The following INPP5D variants were observed in gnomAD, a reference collection of about 807,000 sequenced individuals.
INPP5D encodes the protein inositol polyphosphate-5-phosphatase D, also known as phosphatidylinositol 3,4,5-trisphosphate 5-phosphatase 1.
A neutral mutation model predicts 122.9 loss-of-function variants in INPP5D; 33 were observed. The observed-to-expected ratio is 0.27, with a 90% CI of 0.20 to 0.36. The LOEUF (loss-of-function observed/expected upper bound fraction) is 0.36. Among genes scored for constraint, INPP5D ranks in the 10% least tolerant of loss-of-function variants. The pLI, the probability that INPP5D is intolerant of heterozygous loss-of-function variation, is 1.00. For missense variants in INPP5D, 1,053 were observed against 1,412.7 expected (o/e 0.75, Z 4.08); for synonymous variants, 584 against 576.2 (o/e 1.01, Z -0.19).
intron 13 of INPP5D, among the ~76,000 whole-genome samples, chr2:233,166,085 G>A (rs1358234703): frequency 6.6e-6 from 1 of 152,036 alleles, no homozygotes; most frequent in Non-Finnish European, 1.5e-5. Flanking sequence ...ACCCCCACTC[G>A]TCCCCCTTCC....
At position 233,198,103 on chromosome 2, in the gene INPP5D, C is replaced by G. The variant is rs201211611; in HGVS notation, c.2702C>G (p.Pro901Arg). 7.5e-6 allele frequency: 12 copies of G among 1,601,364 alleles called. No individual in the cohort carries two copies. The Middle Eastern group carries it at 1.0e-3, about 134-fold the overall frequency. The change falls in exon 25 of 27, where the codon CCG becomes CGG. Residue 901 changes from proline (P) to arginine (R), a missense_variant. Pro to Arg is a moderately radical substitution (Grantham distance 103, BLOSUM62 -2). Around this residue, in one of 6 missense-constraint regions of INPP5D, gnomAD observed 417 missense variants for 425.8 expected, o/e 0.98. Coordinates refer to ENST00000445964, the MANE Select transcript of INPP5D (RefSeq NM_001017915.3). The stretch of plus-strand genomic sequence containing the variant: ...CCATGTCCTCCCTGCAGGGCCCCTC[C>G]GTGCAGTGGCTCCAGCATCACTGAA... Reference protein sequence around the residue: ...KQWEVTSRAPPCSGSSITEII... With the variant: ...KQWEVTSRAPRCSGSSITEII...
intron 18 of INPP5D, among the ~76,000 whole-genome samples, chr2:233,180,534 G>GT (rs566287376): frequency 8.6e-4 from 130 of 151,652 alleles, no homozygotes; most frequent in South Asian, 1.5e-3. Flanking sequence ...CCAGTTTTTT[G>GT]TTTTTTTTGT....
chr2:233,139,466 C>CTGTGTGTGTG lies in INPP5D; in HGVS notation c.666-346_666-337dup, dbSNP rs1191977468. On this transcript the variant is annotated intron_variant, in intron 5 of 26. Coordinates refer to ENST00000445964, the MANE Select transcript of INPP5D (RefSeq NM_001017915.3). ...GCCCAGAAATTTGCATTGTTAACAC[C>CTGTGTGTGTG]TGTGTGTGTGTGTGTGTGTGTGTGT... Among the ~76,000 whole-genome samples the CTGTGTGTGTG allele has an allele frequency of 7.3e-3, 1,083 of 147,538 alleles. 13 individuals are homozygous for CTGTGTGTGTG. The highest frequency in any genetic ancestry group is 0.042 in the East Asian group (208 of 4,934).
intron 2 of INPP5D, among the ~76,000 whole-genome samples, chr2:233,083,891 A>G (rs557844438): frequency 6.6e-6 from 1 of 151,976 alleles, no homozygotes; most frequent in South Asian, 2.1e-4. Flanking sequence ...CCTTTCTAAC[A>G]TCCTTCCCAC....
Position 233,110,226 on chromosome 2 carries a change from TG to T in INPP5D, c.199-11880del, listed in dbSNP as rs567525090. 8.5e-4 allele frequency among the ~76,000 whole-genome samples: 130 copies of T among 152,180 alleles called. 1 individual carries two copies. Among genetic ancestry groups the T allele is most frequent in the African/African-American group, 3.1e-3 (129 of 41,534 alleles). ...ACCACCATGCCTGACTAATTTTTTTTGTATTTGTAGTAGAGACAGGTTTTCA... is the reference window on the plus strand; with the variant it reads ...ACCACCATGCCTGACTAATTTTTTTTTATTTGTAGTAGAGACAGGTTTTCA... On this transcript the variant is annotated intron_variant, in intron 2 of 26. Coordinates refer to ENST00000445964, the MANE Select transcript of INPP5D (RefSeq NM_001017915.3).
intron 9 of INPP5D, among the ~76,000 whole-genome samples, chr2:233,156,778 C>T (rs989262153): frequency 2.6e-5 from 4 of 152,144 alleles, no homozygotes; most frequent in African/African-American, 4.8e-5. Context: ...TACAGACTCC[C>T]AAAAGGAAAA....
At chr2:233,112,724 T>G (rs914056538) in intron 2 of INPP5D, among the ~76,000 whole-genome samples, 3 of 152,222 alleles carry the variant, frequency 2.0e-5, no homozygotes, top group African/African-American at 7.2e-5. Flanking sequence ...TAGGCTGGAG[T>G]GCAGTGGTAC....
At chr2:233,106,670 C>A (rs550035120) in intron 2 of INPP5D, among the ~76,000 whole-genome samples, 70 of 152,372 alleles carry the variant, frequency 4.6e-4, no homozygotes, top group African/African-American at 1.6e-3. Flanking sequence ...AGAAACCTTT[C>A]CCATAGTGAA....
At chr2:233,090,230 C>T (rs973634320) in intron 2 of INPP5D, among the ~76,000 whole-genome samples, 1 of 152,240 alleles carries the variant, frequency 6.6e-6, no homozygotes. Context: ...CTTTAGTCTG[C>T]CCTGTTCTTA....
At chr2:233,145,483 T>C (rs976587888) in intron 6 of INPP5D, among the ~76,000 whole-genome samples, 1 of 152,142 alleles carries the variant, frequency 6.6e-6, no homozygotes, top group Non-Finnish European at 1.5e-5. Context: ...TCGTGGTGAT[T>C]GAAATGGAAC....
At chr2:233,204,086 C>A in intron 25 of INPP5D, 40 bp from the exon 26 acceptor site, 5 of 1,469,388 alleles carry the variant, frequency 3.4e-6, no homozygotes, top group Non-Finnish European at 4.5e-6. Flanking sequence ...ATGTCTTCTC[C>A]CCTGGACATG....
chr2:233,079,364 T>C lies in INPP5D; in HGVS notation c.164T>C (p.Ile55Thr). The change falls in exon 2 of 27, where the codon ATT becomes ACT. Residue 55 changes from isoleucine to threonine, a missense_variant. This residue lies in a region of INPP5D where 74 missense variants were observed against 146.6 expected (regional missense o/e 0.50). Coordinates refer to ENST00000445964, the MANE Select transcript of INPP5D (RefSeq NM_001017915.3). ...LYRNCVYTYR[I>T]LPNEDDKFTV... is the part of the protein sequence containing the mutation. ...CGGAATTGCGTTTACACTTACAGAA[T>C]TCTGCCCAATGAAGATGATAAATTC... The C allele has an allele frequency of 6.2e-7, 1 of 1,607,570 alleles. No homozygotes were observed. The highest frequency in any genetic ancestry group is 1.1e-5 in the South Asian group (1 of 90,990).
At chr2:233,195,542 C>A (rs759355794) in intron 24 of INPP5D, 47 bp downstream of exon 24, 5 of 1,611,268 alleles carry the variant, frequency 3.1e-6, no homozygotes, top group Non-Finnish European at 4.2e-6. Context: ...ATATCAGGGA[C>A]TCATGACAAA....
intron 6 of INPP5D, chr2:233,145,254 C>T (rs1484501325): frequency 4.4e-6 from 2 of 456,206 alleles, no homozygotes; most frequent in Non-Finnish European, 8.8e-6. Context: ...ATGTCTTCCT[C>T]TGCCATTTAC....
At chr2:233,121,933 T>C (rs1692992978) in intron 2 of INPP5D, among the ~76,000 whole-genome samples, 174 bp from the exon 3 acceptor site, 1 of 152,326 alleles carries the variant, frequency 6.6e-6, no homozygotes, top group South Asian at 2.1e-4. Flanking sequence ...AGCTGCTGGT[T>C]GCAGGATGTG....
chr2:233,156,779 A>G (rs1694065278), intron 9 of INPP5D, among the ~76,000 whole-genome samples: 1 of 152,218 alleles, frequency 6.6e-6, no homozygotes, highest in Non-Finnish European at 1.5e-5. Context: ...ACAGACTCCC[A>G]AAAGGAAAAC....
chr2:233,176,305 T>C (rs1311029228), intron 17 of INPP5D, among the ~76,000 whole-genome samples: 1 of 56,468 alleles, frequency 1.8e-5, no homozygotes, highest in Non-Finnish European at 3.9e-5. Flanking sequence ...AATGGATGAG[T>C]GGATGGGTGC....
In INPP5D at chr2:233,080,222, G is replaced by A. The variant is rs569432816; in HGVS notation, c.198+824G>A. 4.6e-5 allele frequency among the ~76,000 whole-genome samples: 7 copies of A among 152,202 alleles called. No individual in the cohort carries two copies. In the South Asian group the frequency reaches 1.2e-3, roughly 27 times the overall value. ...TGGGATTATAGGCATGAGCCACCCC[G>A]CCAGGCTGCAGTTAAATTTAAAAAC... On this transcript the variant is annotated intron_variant, in intron 2 of 26. Transcript: ENST00000445964.
intron 1 of INPP5D, among the ~76,000 whole-genome samples, chr2:233,064,402 C>G (rs1031809347): frequency 6.6e-6 from 1 of 152,236 alleles, no homozygotes; most frequent in Non-Finnish European, 1.5e-5. Flanking sequence ...TTACCCCTTC[C>G]CAGGGGCAGT....
Sources: allele counts gnomAD v4.1 joint callset (sites outside exome capture counted in the v4.1 genomes callset), GRCh38; gene constraint gnomAD v4.1.1; regional missense constraint gnomAD v4.1.1; transcripts MANE v1.5; gene names NCBI Gene and HGNC (gene_info 2026-07-23, HGNC 2026-07-21).